PRIM1: variants seen among roughly 807,000 people sequenced by gnomAD.
The protein encoded by PRIM1 is DNA primase small subunit.
Under a neutral mutation model 60.2 loss-of-function variants are expected in PRIM1, and 38 were observed. The ratio of observed to expected loss-of-function variants is 0.63; its 90% CI spans 0.49 to 0.83. PRIM1 has a LOEUF of 0.83. Among genes scored for constraint, PRIM1 ranks in the 40% least tolerant of loss-of-function variants. PRIM1 has a pLI of 0.00. For synonymous variants in PRIM1, 158 were observed against 160.2 expected, an observed-to-expected ratio of 0.99 and a Z score of 0.10; for missense variants, 388 against 506.2, an observed-to-expected ratio of 0.77 and a Z score of 2.24.
At chr12:56,738,643 C>G in intron 10 of PRIM1, 118 bp from the exon 11 acceptor site, 1 of 1,015,478 alleles carries the variant, frequency 9.8e-7, no homozygotes, top group South Asian at 1.6e-5. Flanking sequence ...CCTCCGCCTC[C>G]CAGGTTCAAG....
Position 56,746,856 on chromosome 12 carries a change from T to TA in PRIM1, c.369-3dup. The TA allele has an allele frequency of 1.9e-6, 3 of 1,613,876 alleles. No individual in the cohort carries two copies. In the South Asian group the frequency reaches 3.3e-5, roughly 18 times the overall value. Reference sequence around the variant, plus strand: ...CACTTAGGACATATGTCTGCAGAACTAAAGCAGAGTCATCATTACTCATTG... The same window carrying TA: ...CACTTAGGACATATGTCTGCAGAACTAAAAGCAGAGTCATCATTACTCATTG... On this transcript the variant is annotated splice_polypyrimidine_tract_variant and splice_region_variant and intron_variant, in intron 3 of 12. Transcript: ENST00000338193.
chr12:56,737,849 C>T (rs1266619302), intron 11 of PRIM1, among the ~76,000 whole-genome samples: 2 of 152,154 alleles, frequency 1.3e-5, no homozygotes, highest in Non-Finnish European at 2.9e-5. Context: ...CTCAGCTTCC[C>T]GAGTAGCTGG....
intron 11 of PRIM1, among the ~76,000 whole-genome samples, chr12:56,735,359 A>G (rs1248136616): frequency 1.3e-5 from 2 of 151,772 alleles, no homozygotes; most frequent in Non-Finnish European, 2.9e-5. Context: ...CAGTCTCCCA[A>G]AGTGCTGGGA....
intron 12 of PRIM1, among the ~76,000 whole-genome samples, chr12:56,733,623 T>G (rs1030223117): frequency 6.7e-6 from 1 of 149,598 alleles, no homozygotes; most frequent in Non-Finnish European, 1.5e-5. Flanking sequence ...GGAGTCTTGC[T>G]CTGTTGCCCA....
intron 3 of PRIM1, 25 bp from the exon 4 acceptor site, chr12:56,746,879 T>C (rs773137065): frequency 1.9e-6 from 3 of 1,613,278 alleles, no homozygotes; most frequent in African/African-American, 1.3e-5. Context: ...TCATTACTCA[T>C]TGTCAGTGAT....
intron 9 of PRIM1, 103 bp from the exon 10 acceptor site, chr12:56,739,466 C>G: frequency 1.5e-6 from 1 of 679,220 alleles, no homozygotes; most frequent in Non-Finnish European, 2.3e-6. Context: ...AAGGCTTAGA[C>G]AAAGGGTTAA....
chr12:56,735,702 G>A (rs994962334), intron 11 of PRIM1, among the ~76,000 whole-genome samples: 5 of 151,104 alleles, frequency 3.3e-5, no homozygotes, highest in Admixed American at 6.6e-5. Flanking sequence ...CCAGGCTGGA[G>A]TGCAGTGGGG....
chr12:56,743,979 C>G, intron 6 of PRIM1, 86 bp downstream of exon 6: 1 of 878,936 alleles, frequency 1.1e-6, no homozygotes, highest in South Asian at 1.6e-5. Flanking sequence ...TGCTACCCAG[C>G]AGTGAAAATT....
rs1255000076 is a variant in PRIM1, at chr12:56,746,800, G to T, written c.423C>A (p.Ile141=). The T allele has an allele frequency of 1.9e-6, 3 of 1,613,932 alleles. No homozygotes were observed. The South Asian group carries it at 3.3e-5, about 18-fold the overall frequency. ...CWTLMTMAIR[I]IDRALKEDFG... is the part of the protein sequence containing the mutation. ...ACTTGCCCTTCAATGCTCTGTCAAT[G>T]ATGCGTATGGCCATTGTCATGAGGG... Residue 141 remains isoleucine, a synonymous_variant, in exon 4 of 13, where the codon ATC becomes ATA. Transcript: ENST00000338193.
Position 56,734,365 on chromosome 12 carries a change from T to C in PRIM1, c.1145-120A>G, listed in dbSNP as rs1055932776. 4 of 591,296 alleles carry C rather than the reference T, an allele frequency of 6.8e-6. No homozygotes were observed. The African/African-American group carries it at 7.5e-5, about 11-fold the overall frequency. The allele number at this position is 591,296 out of a possible 1,614,324, so 36.6% of individuals were successfully genotyped here. On this transcript the variant is annotated intron_variant, in intron 11 of 12. Coordinates refer to ENST00000338193, the MANE Select transcript of PRIM1 (RefSeq NM_000946.3). ...GCCCAATTGAAATATGAGAGAAACA[T>C]ACATACTTTTAAATACTATATTAGT...
Position 56,739,379 on chromosome 12 carries a change from G to T in PRIM1, c.983-16C>A, listed in dbSNP as rs1953856188. On this transcript the variant is annotated splice_polypyrimidine_tract_variant and intron_variant, in intron 9 of 12. Coordinates refer to ENST00000338193, the MANE Select transcript of PRIM1 (RefSeq NM_000946.3). ...GATATGCGACCTGTAAGACACAAAA[G>T]TTATAAACTGATGATTGTGGACTAT... The T allele has an allele frequency of 3.3e-6, 5 of 1,501,376 alleles. No individual in the cohort carries two copies. The highest frequency in any genetic ancestry group is 1.9e-5 in the Admixed American group (1 of 52,162). The allele number at this position is 1,501,376 out of a possible 1,614,324, so 93.0% of individuals were successfully genotyped here.
chr12:56,746,091 GAC>G lies in PRIM1; in HGVS notation c.531_532del (p.Ser178PhefsTer9). 4 of 1,613,566 alleles carry G rather than the reference GAC, an allele frequency of 2.5e-6. No individual in the cohort carries two copies. Among genetic ancestry groups the G allele is most frequent in the Non-Finnish European group, 3.4e-6 (4 of 1,179,702 alleles). ...AACTATCCCAGAACGTACTGCAGAA[GAC>G]AGTTTTCTAACTGATTCATCACAGA... On this transcript the variant is annotated frameshift_variant, in exon 5 of 13. Transcript: ENST00000338193. LOFTEE classifies it high-confidence loss of function.
intron 5 of PRIM1, 46 bp downstream of exon 5, chr12:56,745,999 C>T: frequency 6.6e-7 from 1 of 1,525,662 alleles, no homozygotes; most frequent in Non-Finnish European, 8.8e-7. Flanking sequence ...GGCTTGGTAA[C>T]ATCTAGAAAC....
Position 56,746,188 on chromosome 12 carries a change from AAG to A in PRIM1, c.443-9_443-8del, listed in dbSNP as rs1266031341. The A allele has an allele frequency of 6.2e-7, 1 of 1,607,116 alleles. No individual in the cohort carries two copies. On this transcript the variant is annotated splice_polypyrimidine_tract_variant and splice_region_variant and intron_variant, in intron 4 of 12. Transcript: ENST00000338193. ...TGCTTAAATCCAAAGTCCTCTGAGG[AAG>A]AGAGAAATAATAGGTTTTAAAACAA... is the stretch of plus-strand genomic sequence containing the variant.
intron 12 of PRIM1, among the ~76,000 whole-genome samples, chr12:56,732,252 T>C (rs937247555): frequency 2.6e-5 from 4 of 152,186 alleles, no homozygotes; most frequent in Non-Finnish European, 4.4e-5. Flanking sequence ...TTTCCAGTTA[T>C]TATATGCAGC....
At chr12:56,748,372 A>G (rs1953922781) in intron 2 of PRIM1, among the ~76,000 whole-genome samples, 1 of 152,136 alleles carries the variant, frequency 6.6e-6, no homozygotes, top group Non-Finnish European at 1.5e-5. Flanking sequence ...TCACGACTGT[A>G]ATCTCAGCAC....
intron 2 of PRIM1, among the ~76,000 whole-genome samples, chr12:56,748,911 TAGCC>T (rs1432856224): frequency 6.6e-6 from 1 of 150,482 alleles, no homozygotes; most frequent in Non-Finnish European, 1.5e-5. Flanking sequence ...GAGCTGAGAC[TAGCC>T]ACTGCACTCC....
chr12:56,745,386 G>A (rs1449534561), intron 5 of PRIM1, among the ~76,000 whole-genome samples: 4 of 151,818 alleles, frequency 2.6e-5, no homozygotes, highest in South Asian at 2.1e-4. Flanking sequence ...ACTCCAGCCT[G>A]GGTGACAGGG....
At chr12:56,742,059 C>G (rs1444669457) in intron 7 of PRIM1, 7 of 520,516 alleles carry the variant, frequency 1.3e-5, no homozygotes, top group Non-Finnish European at 2.1e-5. Context: ...TCGAGACCAG[C>G]CTGGCCAACA....
Sources: allele counts gnomAD v4.1 joint callset (sites outside exome capture counted in the v4.1 genomes callset), GRCh38; gene constraint gnomAD v4.1.1; transcripts MANE v1.5; gene names NCBI Gene and HGNC (gene_info 2026-07-23, HGNC 2026-07-21).